Variants in ZFHX3 observed in about 807,000 individuals in gnomAD.
ZFHX3 encodes zinc finger homeobox protein 3.
ZFHX3 carries 42 observed loss-of-function variants against 279.1 expected under a neutral mutation model. The ratio of observed to expected loss-of-function variants is 0.15; its 90% CI spans 0.12 to 0.19. The LOEUF is 0.19. Among genes scored for constraint, ZFHX3 ranks in the 10% least tolerant of loss-of-function variants. The pLI, the probability that ZFHX3 is intolerant of heterozygous loss-of-function variation, is 1.00. For synonymous variants in ZFHX3, 2,293 were observed against 1,957.8 expected (o/e 1.17, Z -4.52); for missense variants, 4,981 against 4,754.0 (o/e 1.05, Z -1.40).
chr16:72,952,595 G>A (rs1961049670), intron 2 of ZFHX3, among the ~76,000 whole-genome samples: 3 of 152,170 alleles, frequency 2.0e-5, no homozygotes, highest in Admixed American at 1.3e-4. Flanking sequence ...AAAAGAGCGG[G>A]ACTGCTGCAC....
At chr16:73,082,714 C>G (rs1178403979) in intron 8 of ZFHX3, among the ~76,000 whole-genome samples, 1 of 152,108 alleles carries the variant, frequency 6.6e-6, no homozygotes, top group African/African-American at 2.4e-5. Context: ...TCAGCAGTCC[C>G]AATTGTTTCT....
At chr16:73,329,131 T>C (rs1463509188) in intron 3 of ZFHX3, among the ~76,000 whole-genome samples, 2 of 152,222 alleles carry the variant, frequency 1.3e-5, no homozygotes, top group Non-Finnish European at 2.9e-5. Context: ...ACAAAACCTT[T>C]CCAAAGGGAA....
intron 1 of ZFHX3, among the ~76,000 whole-genome samples, chr16:73,849,038 C>T (rs1371827754): frequency 6.6e-6 from 1 of 152,208 alleles, no homozygotes; most frequent in East Asian, 1.9e-4. Flanking sequence ...TTGTTAACAA[C>T]TGCTGGATGT....
chr16:73,486,807 A>T (rs1369231099), intron 2 of ZFHX3: 2 of 455,894 alleles, frequency 4.4e-6, no homozygotes, highest in African/African-American at 2.0e-5. Flanking sequence ...CCATCGTTCA[A>T]TGTACCGTGG....
intron 1 of ZFHX3, among the ~76,000 whole-genome samples, chr16:73,740,052 C>A (rs546571771): frequency 6.6e-6 from 1 of 152,086 alleles, no homozygotes; most frequent in Admixed American, 6.6e-5. Context: ...AAGTTACTGC[C>A]GGCACCATCA....
At chr16:73,036,656 G>C (rs964564518) in intron 1 of ZFHX3, among the ~76,000 whole-genome samples, 7 of 151,714 alleles carry the variant, frequency 4.6e-5, no homozygotes, top group Admixed American at 4.6e-4. Flanking sequence ...GGGAGGAGGG[G>C]GACTGGGTGT....
intron 5 of ZFHX3, among the ~76,000 whole-genome samples, chr16:73,153,760 C>T (rs996466246): frequency 1.3e-5 from 2 of 152,074 alleles, no homozygotes; most frequent in Non-Finnish European, 2.9e-5. Context: ...AGCAGTTCTC[C>T]TGCCTCAGCC....
At chr16:73,045,969 A>C (rs1158540681) in intron 1 of ZFHX3, among the ~76,000 whole-genome samples, 1 of 152,146 alleles carries the variant, frequency 6.6e-6, no homozygotes, top group Non-Finnish European at 1.5e-5. Context: ...AATTAAATAA[A>C]AGAGCCAACT....
chr16:73,589,733 CAAAAAAAAAAAAAAAAA>C (rs59777135), intron 2 of ZFHX3, among the ~76,000 whole-genome samples: 249 of 29,578 alleles, frequency 8.4e-3, no homozygotes, highest in African/African-American at 0.017. Flanking sequence ...GACTCCGTCT[CAAAAAAAAAAAAAAAAA>C]AAAAAAAAAA....
At chr16:73,746,318 G>C (rs185928893) in intron 1 of ZFHX3, among the ~76,000 whole-genome samples, 21 of 151,336 alleles carry the variant, frequency 1.4e-4, no homozygotes, top group African/African-American at 5.1e-4. Context: ...AAAGCGAGGA[G>C]AAGGAAAAAG....
exon 7 of ZFHX3, chr16:73,131,028 T>C (rs975281478): frequency 1.1e-5 from 14 of 1,300,246 alleles, no homozygotes; most frequent in Middle Eastern, 4.3e-4. Flanking sequence ...TTAGACCCCC[T>C]GGGCTCCAAT....
intron 6 of ZFHX3, among the ~76,000 whole-genome samples, chr16:73,138,943 G>C (rs181707238): frequency 6.6e-6 from 1 of 152,058 alleles, no homozygotes; most frequent in Non-Finnish European, 1.5e-5. Context: ...CTCCTGCCTC[G>C]GCCTCCCAAA....
intron 7 of ZFHX3, among the ~76,000 whole-genome samples, chr16:73,105,346 T>A (rs1353984948): frequency 8.0e-6 from 1 of 124,774 alleles, no homozygotes; most frequent in African/African-American, 3.6e-5. Flanking sequence ...CGTGTGTATA[T>A]ATATATACAC....
chr16:73,579,731 T>C (rs925606050), intron 2 of ZFHX3, among the ~76,000 whole-genome samples: 21 of 150,134 alleles, frequency 1.4e-4, no homozygotes, highest in Non-Finnish European at 2.5e-4. Context: ...CTCGATCTCC[T>C]GACCTCGTGA....
At chr16:73,780,320 G>T (rs1436600526) in intron 1 of ZFHX3, among the ~76,000 whole-genome samples, 1 of 150,236 alleles carries the variant, frequency 6.7e-6, no homozygotes, top group Non-Finnish European at 1.5e-5. Flanking sequence ...GCTAATTTTT[G>T]TATTTTTAGT....
At chr16:73,557,110 A>C (rs1469224236) in intron 2 of ZFHX3, among the ~76,000 whole-genome samples, 1 of 146,412 alleles carries the variant, frequency 6.8e-6, no homozygotes, top group Non-Finnish European at 1.5e-5. Flanking sequence ...AAAAAAAAAA[A>C]AAAAAAAAAA....
At chr16:72,869,106 G>A (rs1177126605) in intron 4 of ZFHX3, among the ~76,000 whole-genome samples, 1 of 152,240 alleles carries the variant, frequency 6.6e-6, no homozygotes, top group Non-Finnish European at 1.5e-5. Context: ...AGAGAAGACG[G>A]AAAGGAAGGC....
At chr16:73,562,220 G>A (rs992164983) in intron 2 of ZFHX3, among the ~76,000 whole-genome samples, 19 of 152,100 alleles carry the variant, frequency 1.2e-4, no homozygotes, top group African/African-American at 4.3e-4. Flanking sequence ...TGTCAAAGTC[G>A]TCACTAAAAT....
chr16:72,836,244 C>G (rs1019152719), intron 4 of ZFHX3, among the ~76,000 whole-genome samples: 1 of 152,154 alleles, frequency 6.6e-6, no homozygotes, highest in African/African-American at 2.4e-5. Flanking sequence ...GGAGTCTCAT[C>G]GAATAGTGAC....
Sources: allele counts gnomAD v4.1 joint callset (sites outside exome capture counted in the v4.1 genomes callset), GRCh38; gene constraint gnomAD v4.1.1; transcripts MANE v1.5; gene names NCBI Gene and HGNC (gene_info 2026-07-23, HGNC 2026-07-21).